Variants in LINGO2 observed in about 807,000 individuals in gnomAD.
LINGO2 encodes the protein leucine-rich repeat and immunoglobulin-like domain-containing nogo receptor-interacting protein 2.
In LINGO2, 14 loss-of-function variants were observed where a neutral mutation model predicts 30.6. That is an observed-to-expected ratio of 0.46 (90% CI 0.30 to 0.72). The LOEUF is 0.72. Ranked by LOEUF, LINGO2 falls within the 30% of genes least tolerant of loss-of-function variation. LINGO2 has a pLI of 0.07. For synonymous variants in LINGO2, 317 were observed against 288.5 expected, an observed-to-expected ratio of 1.10 and a Z score of -1.00; for missense variants, 729 against 751.7, an observed-to-expected ratio of 0.97 and a Z score of 0.35.
At chr9:28,169,920 G>T (rs2133647959) in intron 4 of LINGO2, among the ~76,000 whole-genome samples, 1 of 152,222 alleles carries the variant, frequency 6.6e-6, no homozygotes. Flanking sequence ...TTCCAACGAG[G>T]CCTTCTCTAG....
intron 2 of LINGO2, among the ~76,000 whole-genome samples, chr9:28,467,325 C>T (rs1188495924): frequency 1.3e-5 from 2 of 151,896 alleles, no homozygotes; most frequent in Non-Finnish European, 2.9e-5. Flanking sequence ...CCATGCCTGG[C>T]CCCCTAGCTG....
At chr9:29,040,344 G>A in the LINGO2 span, among the ~76,000 whole-genome samples, 14 of 151,808 alleles carry the variant, frequency 9.2e-5, no homozygotes, top group Non-Finnish European at 1.6e-4. Flanking sequence ...TGAAATTATC[G>A]TTGTTGCAAG....
the LINGO2 span, among the ~76,000 whole-genome samples, chr9:28,688,684 A>G: frequency 1.3e-5 from 2 of 152,192 alleles, no homozygotes; most frequent in African/African-American, 4.8e-5. Context: ...AACACAACTA[A>G]GCGCAGGCAG....
At chr9:28,579,683 A>G (rs1199062819) in intron 1 of LINGO2, among the ~76,000 whole-genome samples, 1 of 152,146 alleles carries the variant, frequency 6.6e-6, no homozygotes. Context: ...ATATATAACA[A>G]TAAAATTAGT....
the LINGO2 span, among the ~76,000 whole-genome samples, chr9:28,933,918 G>T: frequency 6.6e-6 from 1 of 152,134 alleles, no homozygotes; most frequent in African/African-American, 2.4e-5. Flanking sequence ...TATTATGGAA[G>T]TGTACTCCCA....
At chr9:27,953,615 GGGC>G (rs1203775582) in intron 5 of LINGO2, among the ~76,000 whole-genome samples, 4 of 152,028 alleles carry the variant, frequency 2.6e-5, no homozygotes, top group African/African-American at 9.7e-5. Context: ...GTTTTATAAG[GGGC>G]TTTTCCCTCT....
rs990878354 is a variant in LINGO2 at position 28,065,131 on chromosome 9, G to A, written c.-86-52726C>T. Among the ~76,000 whole-genome samples the A allele has an allele frequency of 2.0e-5, 3 of 151,694 alleles. No homozygotes were observed. The East Asian group carries it at 5.8e-4, about 29-fold the overall frequency. On this transcript the variant is annotated intron_variant, in intron 4 of 5. Transcript: ENST00000379992. ...GAAGTGTATGGCCTAAATTGTGGAC[G>A]TGGCTTGCTTTGGAGTGGGATTGGG... is the stretch of plus-strand genomic sequence containing the variant.
the LINGO2 span, among the ~76,000 whole-genome samples, chr9:28,892,971 C>T: frequency 1.3e-5 from 2 of 152,038 alleles, no homozygotes; most frequent in Non-Finnish European, 2.9e-5. Context: ...GTAGTGATAG[C>T]AGATACTATA....
the LINGO2 span, among the ~76,000 whole-genome samples, chr9:29,052,893 A>T: frequency 3.9e-5 from 6 of 152,272 alleles, no homozygotes; most frequent in African/African-American, 1.2e-4. Context: ...TGAGCAGAAA[A>T]ATCCTTAAAG....
chr9:28,602,205 T>C (rs966227110), intron 1 of LINGO2, among the ~76,000 whole-genome samples: 2 of 152,074 alleles, frequency 1.3e-5, no homozygotes, highest in Non-Finnish European at 2.9e-5. Flanking sequence ...GCAAGGAATA[T>C]GGGCTGTTTT....
intron 3 of LINGO2, among the ~76,000 whole-genome samples, chr9:28,336,187 A>C (rs13291498): frequency 0.18 from 27,756 of 152,030 alleles, 3,206 homozygotes; most frequent in Non-Finnish European, 0.26. Context: ...GGCTGAACAT[A>C]ATTTCCTGTG....
chr9:28,946,023 G>C, the LINGO2 span, among the ~76,000 whole-genome samples: 1 of 152,068 alleles, frequency 6.6e-6, no homozygotes, highest in African/African-American at 2.4e-5. Context: ...ATAAATATTT[G>C]AGGGATTTGT....
chr9:28,316,234 CA>C (rs1288164019), intron 3 of LINGO2, among the ~76,000 whole-genome samples: 1 of 151,348 alleles, frequency 6.6e-6, no homozygotes, highest in Non-Finnish European at 1.5e-5. Flanking sequence ...AAAACAGTAC[CA>C]AAACTTTTTT....
chr9:29,059,860 C>A, the LINGO2 span, among the ~76,000 whole-genome samples: 1 of 152,076 alleles, frequency 6.6e-6, no homozygotes, highest in South Asian at 2.1e-4. Flanking sequence ...ATAAATTGAA[C>A]TTCCTCAAAA....
At chr9:29,006,632 T>C in the LINGO2 span, among the ~76,000 whole-genome samples, 2 of 152,220 alleles carry the variant, frequency 1.3e-5, no homozygotes, top group African/African-American at 4.8e-5. Flanking sequence ...TTCAGTTGTT[T>C]TCCTTTTTTC....
chr9:28,085,762 T>G (rs536589525), intron 4 of LINGO2, among the ~76,000 whole-genome samples: 2 of 152,154 alleles, frequency 1.3e-5, no homozygotes, highest in Admixed American at 1.3e-4. Context: ...GATAAAATCT[T>G]TAACATGAAA....
rs191661407 is a variant in LINGO2 at position 28,474,725 on chromosome 9, T to C, written c.-279+1215A>G. Among the ~76,000 whole-genome samples, 3 of 152,226 alleles carry C rather than the reference T, an allele frequency of 2.0e-5. No homozygotes were observed. In the East Asian group the frequency reaches 5.8e-4, roughly 29 times the overall value. On this transcript the variant is annotated intron_variant, in intron 2 of 5. Transcript: ENST00000379992. ...TGGACTAGGAGATGGAAAATCTAGA[T>C]TGAGTGTTTCACTTGCATCACATGA...
exon 6 of LINGO2, chr9:27,948,821 C>G (rs779754775): frequency 7.0e-6 from 11 of 1,576,918 alleles, no homozygotes; most frequent in Non-Finnish European, 9.5e-6. Flanking sequence ...CCCACATTGA[C>G]AAAGAGACAG....
intron 4 of LINGO2, among the ~76,000 whole-genome samples, chr9:28,166,196 A>C (rs189371512): frequency 4.5e-4 from 68 of 152,336 alleles, no homozygotes; most frequent in Non-Finnish European, 3.8e-4. Flanking sequence ...ACTAACCAAC[A>C]AACAAACAAA....
Sources: gnomAD v4.1 joint callset for allele counts (sites outside exome capture counted in the v4.1 genomes callset) on GRCh38, gnomAD v4.1.1 for gene constraint, MANE v1.5 for transcripts, NCBI Gene and HGNC (gene_info 2026-07-23, HGNC 2026-07-21) for gene names.